The following DHX36 variants were observed in gnomAD, a reference collection of about 807,000 sequenced individuals.
The protein encoded by DHX36 is ATP-dependent DNA/RNA helicase DHX36.
In DHX36, 50 loss-of-function variants were observed where a neutral mutation model predicts 139.0. That is an observed-to-expected ratio of 0.36 (90% confidence interval 0.29 to 0.46). The LOEUF (loss-of-function observed/expected upper bound fraction) is 0.46, where lower values mean the gene tolerates loss of function less well. Among genes scored for constraint, DHX36 ranks in the 20% least tolerant of loss-of-function variants. The probability of loss-of-function intolerance (pLI) is 1.00; values close to 1 mark genes in which losing one functional copy is unlikely to be tolerated. For missense variants in DHX36, 1,024 were observed against 1,211.3 expected (o/e 0.85, Z 2.29); for synonymous variants, 425 against 401.9 (o/e 1.06, Z -0.69).
At chr3:154,311,598 T>G (rs750509972) in intron 4 of DHX36, 38 bp downstream of exon 4, 1 of 1,564,894 alleles carries the variant, frequency 6.4e-7, no homozygotes, top group African/African-American at 1.4e-5. Flanking sequence ...TGTATTTAAT[T>G]TGCAAATCAA....
chr3:154,285,729 GAAAT>G (rs1711525121), intron 17 of DHX36, among the ~76,000 whole-genome samples: 4 of 151,096 alleles, frequency 2.6e-5, no homozygotes. Flanking sequence ...ATGCAAACAA[GAAAT>G]AATAATAAAA....
Position 154,306,203 on chromosome 3 carries a change from G to A in DHX36, c.893+13C>T. On this transcript the variant is annotated intron_variant, in intron 6 of 24. Coordinates refer to ENST00000496811, the MANE Select transcript of DHX36 (RefSeq NM_020865.3). The stretch of plus-strand genomic sequence containing the variant: ...TAAAATCTGCCTGTATATAAGAAGT[G>A]AACATTTCTTACCTCTGGAGACGAA... 6.3e-7 allele frequency: 1 copy of A among 1,598,284 alleles called. No homozygotes were observed. The highest frequency in any genetic ancestry group is 8.6e-7 in the Non-Finnish European group (1 of 1,167,054).
intron 3 of DHX36, chr3:154,312,023 T>C (rs1712780876): frequency 1.2e-5 from 2 of 169,852 alleles, no homozygotes; most frequent in Non-Finnish European, 2.5e-5. Flanking sequence ...TTCTATATTA[T>C]GTTTTTCCCA....
At chr3:154,322,428 T>G (rs1247953269) in intron 1 of DHX36, among the ~76,000 whole-genome samples, 3 of 152,228 alleles carry the variant, frequency 2.0e-5, no homozygotes, top group Non-Finnish European at 4.4e-5. Context: ...GATGACTAGT[T>G]AGAAGGCAAG....
chr3:154,304,720 GACT>G, intron 8 of DHX36, 83 bp downstream of exon 8: 2 of 965,776 alleles, frequency 2.1e-6, no homozygotes, highest in Non-Finnish European at 2.9e-6. Flanking sequence ...CATTCATTTT[GACT>G]ACTCTTTACC....
At chr3:154,310,730 G>A (rs1712699479) in intron 4 of DHX36, among the ~76,000 whole-genome samples, 1 of 127,840 alleles carries the variant, frequency 7.8e-6, no homozygotes, top group African/African-American at 3.0e-5. Flanking sequence ...AGTAAGCCGA[G>A]ATTGCGCCAC....
chr3:154,318,498 T>G (rs1372317799), intron 1 of DHX36, among the ~76,000 whole-genome samples: 1 of 152,078 alleles, frequency 6.6e-6, no homozygotes. Flanking sequence ...TATTCTAATT[T>G]TATGAGATTT....
intron 5 of DHX36, among the ~76,000 whole-genome samples, chr3:154,309,342 A>C (rs1276754271): frequency 2.0e-5 from 3 of 152,194 alleles, no homozygotes; most frequent in Admixed American, 2.0e-4. Flanking sequence ...AATTTAAAGA[A>C]TCAAATGATG....
intron 17 of DHX36, among the ~76,000 whole-genome samples, chr3:154,285,526 T>C (rs1711517825): frequency 6.6e-6 from 1 of 152,148 alleles, no homozygotes; most frequent in Non-Finnish European, 1.5e-5. Context: ...CAAAGAATTG[T>C]AAATCAAGAG....
chr3:154,316,466 C>T (rs1712988035), intron 1 of DHX36, among the ~76,000 whole-genome samples: 1 of 152,024 alleles, frequency 6.6e-6, no homozygotes, highest in African/African-American at 2.4e-5. Context: ...ACCCCAAACC[C>T]TCACATACTA....
At chr3:154,310,834 T>TACATATATATATATATGTATATAC (rs1559957800) in intron 4 of DHX36, among the ~76,000 whole-genome samples, 1 of 73,086 alleles carries the variant, frequency 1.4e-5, no homozygotes, top group African/African-American at 5.3e-5. Context: ...TATATATATA[T>TACATATATATATATATGTATATAC]ATATATATAT....
rs762575010 is a variant in DHX36 at position 154,306,265 on chromosome 3, C to A, written c.844G>T (p.Glu282Ter). 6.2e-7 allele frequency: 1 copy of A among 1,613,594 alleles called. No individual in the cohort carries two copies. Residue 282 changes from glutamate to a stop codon, truncating the protein, a stop_gained, in exon 6 of 25, where the codon GAA becomes TAA. Coordinates refer to ENST00000496811, the MANE Select transcript of DHX36 (RefSeq NM_020865.3). LOFTEE classifies it high-confidence loss of function. ...VAERVAAERA[E>*]SCGSGNSTGY... ...GTACTATTACCACTGCCACAAGATT[C>A]TGCCCTTTCTGCAGCTACTCTTTCC...
intron 1 of DHX36, among the ~76,000 whole-genome samples, chr3:154,322,056 C>T (rs958317396): frequency 9.2e-5 from 14 of 152,030 alleles, no homozygotes; most frequent in African/African-American, 3.4e-4. Context: ...GGGACGAGCC[C>T]ATTGAAAAAT....
chr3:154,286,801 T>TA (rs974573094), intron 17 of DHX36, among the ~76,000 whole-genome samples: 15 of 151,908 alleles, frequency 9.9e-5, no homozygotes, highest in African/African-American at 1.7e-4. Context: ...CACTCTGTTT[T>TA]AAAAAAATTT....
chr3:154,300,912 A>T (rs1712243798), intron 10 of DHX36, 75 bp downstream of exon 10: 9 of 1,571,532 alleles, frequency 5.7e-6, no homozygotes, highest in Non-Finnish European at 7.8e-6. Flanking sequence ...TACAGATTCA[A>T]GAAGATGCCC....
chr3:154,313,687 T>C (rs1712855721), intron 3 of DHX36, among the ~76,000 whole-genome samples: 1 of 152,048 alleles, frequency 6.6e-6, no homozygotes, highest in South Asian at 2.1e-4. Flanking sequence ...CTTAAATATA[T>C]ATATATACAT....
At chr3:154,294,888 A>G (rs1711979168) in intron 13 of DHX36, among the ~76,000 whole-genome samples, 1 of 152,252 alleles carries the variant, frequency 6.6e-6, no homozygotes, top group Admixed American at 6.5e-5. Context: ...TATACCTGTG[A>G]ATATACTAGC....
intron 4 of DHX36, 127 bp downstream of exon 4, chr3:154,311,509 A>G: frequency 1.4e-6 from 1 of 706,576 alleles, no homozygotes; most frequent in Non-Finnish European, 2.2e-6. Context: ...AAAGAATAAA[A>G]TTAACTTCCA....
chr3:154,297,348 G>T (rs1050945842), intron 12 of DHX36, among the ~76,000 whole-genome samples: 1 of 152,178 alleles, frequency 6.6e-6, no homozygotes, highest in Non-Finnish European at 1.5e-5. Flanking sequence ...TGTGACAGCT[G>T]CAATTGACTT....
Sources: gnomAD v4.1 joint callset for allele counts (sites outside exome capture counted in the v4.1 genomes callset) on GRCh38, gnomAD v4.1.1 for gene constraint, MANE v1.5 for transcripts, NCBI Gene and HGNC (gene_info 2026-07-23, HGNC 2026-07-21) for gene names.